The following DTWD2 variants were observed in gnomAD, a reference collection of about 807,000 sequenced individuals.
DTWD2 encodes the protein DTW motif tRNA-uridine aminocarboxypropyltransferase 2, also known as tRNA-uridine aminocarboxypropyltransferase 2.
In DTWD2, 39 loss-of-function variants were observed where a neutral mutation model predicts 31.8. That is an observed-to-expected ratio of 1.22 (90% CI 0.95 to 1.60). The LOEUF (loss-of-function observed/expected upper bound fraction) is 1.60, where lower values mean the gene tolerates loss of function less well. DTWD2 is among the 40% of genes most tolerant of loss of function. The pLI, the probability that DTWD2 is intolerant of heterozygous loss-of-function variation, is 0.00. For missense variants in DTWD2, 515 were observed against 381.5 expected, an observed-to-expected ratio of 1.35 and a Z score of -2.92; for synonymous variants, 180 against 142.8, an observed-to-expected ratio of 1.26 and a Z score of -1.86.
At chr5:118,859,871 A>G (rs1283724351) in intron 4 of DTWD2, among the ~76,000 whole-genome samples, 2 of 152,158 alleles carry the variant, frequency 1.3e-5, no homozygotes, top group Admixed American at 6.6e-5. Context: ...TAATCTCACC[A>G]CTTTGGGAGG....
chr5:118,984,149 G>A (rs1755368922), intron 1 of DTWD2, among the ~76,000 whole-genome samples: 1 of 152,160 alleles, frequency 6.6e-6, no homozygotes, highest in African/African-American at 2.4e-5. Flanking sequence ...AGTGAGGCGT[G>A]GTGGTGATGC....
At chr5:118,860,472 T>C (rs997323004) in intron 4 of DTWD2, among the ~76,000 whole-genome samples, 1 of 152,116 alleles carries the variant, frequency 6.6e-6, no homozygotes, top group African/African-American at 2.4e-5. Context: ...GTTGTTTTTC[T>C]AGTCATTTGC....
intron 1 of DTWD2, among the ~76,000 whole-genome samples, chr5:118,985,318 C>T (rs1399790588): frequency 6.6e-6 from 1 of 151,822 alleles, no homozygotes; most frequent in East Asian, 1.9e-4. Context: ...TCAGTCTCAG[C>T]TTACATGTCA....
chr5:118,900,102 C>T (rs879417868), intron 4 of DTWD2, among the ~76,000 whole-genome samples: 8 of 152,080 alleles, frequency 5.3e-5, no homozygotes, highest in Non-Finnish European at 1.0e-4. Flanking sequence ...CCACCATGCA[C>T]GGCCAAGTCA....
At chr5:118,913,794 T>G (rs983315582) in intron 4 of DTWD2, among the ~76,000 whole-genome samples, 4 of 151,990 alleles carry the variant, frequency 2.6e-5, no homozygotes, top group African/African-American at 9.7e-5. Context: ...CAAATAAAAC[T>G]GTTTAATCTT....
At chr5:118,925,057 T>C (rs1753780418) in intron 4 of DTWD2, among the ~76,000 whole-genome samples, 1 of 152,206 alleles carries the variant, frequency 6.6e-6, no homozygotes, top group Non-Finnish European at 1.5e-5. Context: ...TGCATTTTGG[T>C]CAAAGGGAAT....
At chr5:118,886,882 G>A (rs1002123621) in intron 4 of DTWD2, among the ~76,000 whole-genome samples, 31 of 152,282 alleles carry the variant, frequency 2.0e-4, no homozygotes, top group African/African-American at 7.0e-4. Context: ...GTAAGAAAAT[G>A]TAATCCTTTG....
At chr5:118,955,819 T>G (rs1362997996) in intron 1 of DTWD2, among the ~76,000 whole-genome samples, 3 of 152,036 alleles carry the variant, frequency 2.0e-5, no homozygotes, top group Admixed American at 2.0e-4. Flanking sequence ...AAAAGTTCCT[T>G]GCTTCCTATG....
At chr5:118,928,791 C>A in intron 3 of DTWD2, 62 bp from the exon 4 acceptor site, 1 of 1,309,930 alleles carries the variant, frequency 7.6e-7, no homozygotes, top group Non-Finnish European at 1.0e-6. Context: ...TTTTATTATG[C>A]TTACTGAATT....
rs80093336 is a variant in DTWD2 at position 118,872,110 on chromosome 5, T to A, written c.598-23892A>T. Among the ~76,000 whole-genome samples the A allele has an allele frequency of 8.1e-3, 1,241 of 152,278 alleles. 13 individuals are homozygous for A. Among genetic ancestry groups the A allele is most frequent in the African/African-American group, 0.028 (1,147 of 41,534 alleles). On this transcript the variant is annotated intron_variant, in intron 4 of 5. Coordinates refer to ENST00000510708, the MANE Select transcript of DTWD2 (RefSeq NM_173666.4). ...TTTTCTCCTGTAGCTTCATCACCTCTCTCAATCTTAACAGAATTGAAGAGA... is the reference window on the plus strand; with the variant it reads ...TTTTCTCCTGTAGCTTCATCACCTCACTCAATCTTAACAGAATTGAAGAGA...
chr5:118,955,780 A>G (rs577578270), intron 1 of DTWD2, among the ~76,000 whole-genome samples: 1 of 152,008 alleles, frequency 6.6e-6, no homozygotes, highest in Non-Finnish European at 1.5e-5. Flanking sequence ...TGGACAACAC[A>G]GCAAGACCCC....
At chr5:118,869,238 T>C (rs1046770416) in intron 4 of DTWD2, among the ~76,000 whole-genome samples, 1 of 152,132 alleles carries the variant, frequency 6.6e-6, no homozygotes, top group Non-Finnish European at 1.5e-5. Flanking sequence ...CAACTTTTTT[T>C]ACAAAGCATT....
intron 2 of DTWD2, among the ~76,000 whole-genome samples, chr5:118,943,493 G>C (rs1318466894): frequency 6.6e-6 from 1 of 151,346 alleles, no homozygotes; most frequent in African/African-American, 2.4e-5. Context: ...GGAGCTTGCA[G>C]TGAGCTGAGA....
chr5:118,933,919 T>TAAATAAAA (rs1554067929), intron 3 of DTWD2, among the ~76,000 whole-genome samples: 1 of 142,984 alleles, frequency 7.0e-6, no homozygotes, highest in Admixed American at 6.8e-5. Flanking sequence ...AATAAATAAA[T>TAAATAAAA]AAAAATAACC....
At chr5:118,948,941 T>G (rs988737993) in intron 1 of DTWD2, among the ~76,000 whole-genome samples, 2 of 151,436 alleles carry the variant, frequency 1.3e-5, no homozygotes, top group South Asian at 4.2e-4. Context: ...AGGAAAGGAG[T>G]TGTTGCTTTG....
intron 1 of DTWD2, among the ~76,000 whole-genome samples, chr5:118,977,651 A>C (rs1426968764): frequency 6.6e-6 from 1 of 152,214 alleles, no homozygotes; most frequent in Non-Finnish European, 1.5e-5. Context: ...GACCTCTTTA[A>C]GGAGAACTAC....
chr5:118,858,454 T>C (rs1239849681), intron 4 of DTWD2, among the ~76,000 whole-genome samples: 2 of 152,226 alleles, frequency 1.3e-5, no homozygotes, highest in African/African-American at 4.8e-5. Flanking sequence ...TGATTGTCTT[T>C]TCGGTGTCTG....
At chr5:118,888,985 C>A (rs1183333620) in intron 4 of DTWD2, among the ~76,000 whole-genome samples, 1 of 152,176 alleles carries the variant, frequency 6.6e-6, no homozygotes, top group East Asian at 1.9e-4. Flanking sequence ...ATTATACATT[C>A]TGAATACAAG....
intron 4 of DTWD2, among the ~76,000 whole-genome samples, chr5:118,893,733 T>C (rs1314921738): frequency 6.6e-6 from 1 of 151,936 alleles, no homozygotes; most frequent in Non-Finnish European, 1.5e-5. Context: ...ACGAAGGGAA[T>C]CAACCCACCA....
Sources: allele counts gnomAD v4.1 joint callset (sites outside exome capture counted in the v4.1 genomes callset), GRCh38; gene constraint gnomAD v4.1.1; transcripts MANE v1.5; gene names NCBI Gene and HGNC (gene_info 2026-07-23, HGNC 2026-07-21).